The following ZDHHC15 variants were observed in gnomAD, a reference collection of about 807,000 sequenced individuals.
The protein encoded by ZDHHC15 is palmitoyltransferase ZDHHC15.
A neutral mutation model predicts 31.7 loss-of-function variants in ZDHHC15; 19 were observed. The observed-to-expected ratio is 0.60, with a 90% CI of 0.42 to 0.88. The LOEUF (loss-of-function observed/expected upper bound fraction) is 0.88. ZDHHC15 is among the 40% of genes least tolerant of loss of function. The probability of loss-of-function intolerance (pLI) is 0.00; values close to 1 mark genes in which losing one functional copy is unlikely to be tolerated. For missense variants in ZDHHC15, 209 were observed against 251.2 expected (o/e 0.83, Z 1.14); for synonymous variants, 103 against 90.0 (o/e 1.14, Z -0.82).
chrX:75,389,170 C>T (rs972829557), intron 10 of ZDHHC15, among the ~76,000 whole-genome samples: 1 of 111,487 alleles, frequency 9.0e-6, no homozygotes, highest in African/African-American at 3.3e-5. Context: ...TAGACAAGCC[C>T]TAATCAGATA....
At chrX:75,399,431 C>A (rs780569698) in intron 10 of ZDHHC15, among the ~76,000 whole-genome samples, 260 of 112,137 alleles carry the variant, frequency 2.3e-3, no homozygotes, top group South Asian at 0.014. Context: ...TCCCACAGGT[C>A]CTAAACACCA....
At chrX:75,382,484 T>C (rs1251410644) in intron 10 of ZDHHC15, among the ~76,000 whole-genome samples, 1 of 111,907 alleles carries the variant, frequency 8.9e-6, no homozygotes, top group Non-Finnish European at 1.9e-5. Flanking sequence ...TGTATTGTGT[T>C]TGATGTTTTC....
At chrX:75,487,490 A>T (rs2147999322) in intron 2 of ZDHHC15, among the ~76,000 whole-genome samples, 1 of 112,238 alleles carries the variant, frequency 8.9e-6, no homozygotes, top group Non-Finnish European at 1.9e-5. Flanking sequence ...GGAGAGCACC[A>T]CATCAAGGGA....
chrX:75,475,859 C>T (rs1009284286), intron 3 of ZDHHC15, among the ~76,000 whole-genome samples: 1 of 112,021 alleles, frequency 8.9e-6, no homozygotes, highest in Non-Finnish European at 1.9e-5. Flanking sequence ...ATACAGGATG[C>T]TTTTCCCTTT....
rs1364762480 is a variant in ZDHHC15 at position 75,369,173 on chromosome X, A to G, written c.*3805T>C. ...TCTCTTAGCTACTCTGAGAGCAGAG[A>G]TTCTGGAATGTATAAATCTAATGTT... On this transcript the variant is annotated 3_prime_UTR_variant, in exon 12 of 12. Coordinates refer to ENST00000373367, the MANE Select transcript of ZDHHC15 (RefSeq NM_144969.3). The G allele has an allele frequency of 8.9e-6, 1 of 112,179 alleles. No homozygotes were observed. Among genetic ancestry groups the G allele is most frequent in the Non-Finnish European group, 1.9e-5 (1 of 53,254 alleles). The allele number at this position is 112,179 out of a possible 1,213,427, so 9.2% of individuals were successfully genotyped here. A position where few individuals can be genotyped will look rare whatever the true frequency, so the allele number is the denominator to read the frequency against.
At chrX:75,475,062 A>T (rs1423025664) in intron 3 of ZDHHC15, among the ~76,000 whole-genome samples, 2 of 111,638 alleles carry the variant, frequency 1.8e-5, no homozygotes, top group East Asian at 2.8e-4. Flanking sequence ...CCGTCTCAAA[A>T]AAATAAATAA....
At chrX:75,505,874 C>A in intron 1 of ZDHHC15, 27 bp from the exon 2 acceptor site, 2 of 1,105,255 alleles carry the variant, frequency 1.8e-6, no homozygotes, top group Non-Finnish European at 2.5e-6. Context: ...GAAAGAGAGA[C>A]AGACAGACAG....
intron 10 of ZDHHC15, among the ~76,000 whole-genome samples, chrX:75,411,028 C>A (rs1007158706): frequency 9.8e-5 from 11 of 111,677 alleles, no homozygotes; most frequent in Non-Finnish European, 1.7e-4. Context: ...TATGTAGGAG[C>A]TACAAAAGTG....
chrX:75,405,884 G>C (rs188313918), intron 10 of ZDHHC15, among the ~76,000 whole-genome samples: 1 of 112,307 alleles, frequency 8.9e-6, no homozygotes, highest in African/African-American at 3.2e-5. Flanking sequence ...TCAGCACATA[G>C]AGCATTCTCT....
chrX:75,511,743 T>C lies in ZDHHC15; in HGVS notation c.137-5896A>G, dbSNP rs751642023. Among the ~76,000 whole-genome samples the C allele has an allele frequency of 1.9e-3, 173 of 91,594 alleles. 1 individual carries two copies. The highest frequency in any genetic ancestry group is 0.012 in the East Asian group (34 of 2,820). 79.5% of individuals were successfully genotyped at this position (91,594 alleles called of 115,157 possible). On this transcript the variant is annotated intron_variant, in intron 1 of 11. Transcript: ENST00000373367. ...ACTGGTACCATTCCTTCTGAAACTA[T>C]TCCAATCAATAGAAAAAGAGGGAAT...
intron 2 of ZDHHC15, among the ~76,000 whole-genome samples, chrX:75,495,237 T>C (rs1179032778): frequency 8.9e-6 from 1 of 111,804 alleles, no homozygotes; most frequent in Non-Finnish European, 1.9e-5. Context: ...TGAGATACTA[T>C]CTCACACCAG....
intron 3 of ZDHHC15, among the ~76,000 whole-genome samples, chrX:75,468,921 GTTGT>G (rs1316567274): frequency 2.7e-5 from 3 of 111,603 alleles, no homozygotes; most frequent in East Asian, 2.8e-4. Context: ...TTGTTTTCTT[GTTGT>G]TTATTTGTAG....
intron 10 of ZDHHC15, chrX:75,384,567 T>C (rs973947458): frequency 1.0e-4 from 84 of 802,250 alleles, no homozygotes; most frequent in Non-Finnish European, 1.5e-4. Context: ...CTGTTGGCAT[T>C]GTTGTAAACA....
chrX:75,431,549 A>C (rs1311052887), intron 4 of ZDHHC15, 29 bp from the exon 5 acceptor site: 14 of 1,168,200 alleles, frequency 1.2e-5, no homozygotes, highest in Non-Finnish European at 1.6e-5. Context: ...GGTGGTTAGC[A>C]CTTGTTAGGG....
At chrX:75,418,314 C>A (rs1041374135) in intron 9 of ZDHHC15, among the ~76,000 whole-genome samples, 1 of 111,435 alleles carries the variant, frequency 9.0e-6, no homozygotes, top group African/African-American at 3.3e-5. Flanking sequence ...TCCATAATTA[C>A]CACCCTACCC....
chrX:75,518,057 G>T (rs867654921), intron 1 of ZDHHC15, among the ~76,000 whole-genome samples: 4 of 110,890 alleles, frequency 3.6e-5, no homozygotes, highest in Non-Finnish European at 7.6e-5. Flanking sequence ...TCCCACAGGG[G>T]TAAATCTTTA....
At chrX:75,383,926 T>C (rs758501081) in intron 10 of ZDHHC15, among the ~76,000 whole-genome samples, 120 of 108,046 alleles carry the variant, frequency 1.1e-3, no homozygotes, top group African/African-American at 3.9e-3. Context: ...GTATTTTTAG[T>C]AGAGATGGGG....
intron 10 of ZDHHC15, among the ~76,000 whole-genome samples, chrX:75,408,863 T>C (rs1443793827): frequency 2.7e-5 from 3 of 111,957 alleles, no homozygotes; most frequent in African/African-American, 6.5e-5. Flanking sequence ...ACAAAGTATA[T>C]AAAATACCTA....
intron 10 of ZDHHC15, among the ~76,000 whole-genome samples, chrX:75,386,424 C>T (rs1373279557): frequency 8.9e-6 from 1 of 112,151 alleles, no homozygotes; most frequent in African/African-American, 3.2e-5. Flanking sequence ...CAATTTATCA[C>T]ATTAGCTCAA....
Sources: allele counts gnomAD v4.1 joint callset (sites outside exome capture counted in the v4.1 genomes callset), GRCh38; gene constraint gnomAD v4.1.1; transcripts MANE v1.5; gene names NCBI Gene and HGNC (gene_info 2026-07-23, HGNC 2026-07-21).